Variants in KAT6B observed in about 807,000 individuals in gnomAD.
KAT6B encodes the protein histone acetyltransferase KAT6B.
Under a neutral mutation model 187.5 loss-of-function variants are expected in KAT6B, and 10 were observed. That is an observed-to-expected ratio of 0.05 (90% CI 0.03 to 0.09). The LOEUF is 0.09. KAT6B is among the 10% of genes least tolerant of loss of function. KAT6B has a pLI of 1.00. For synonymous variants in KAT6B, 861 were observed against 926.8 expected (o/e 0.93, Z 1.29); for missense variants, 1,952 against 2,558.9 (o/e 0.76, Z 5.12).
chr10:74,925,938 A>G (rs1848468335), intron 3 of KAT6B, among the ~76,000 whole-genome samples: 1 of 152,052 alleles, frequency 6.6e-6, no homozygotes, highest in African/African-American at 2.4e-5. Flanking sequence ...CGTACAGCCC[A>G]TGGCAGGGTG....
chr10:74,878,277 G>A (rs559608150), intron 3 of KAT6B, among the ~76,000 whole-genome samples: 21 of 152,276 alleles, frequency 1.4e-4, no homozygotes, highest in African/African-American at 4.8e-4. Flanking sequence ...CATTTACAGA[G>A]TACTTTTTGT....
At chr10:74,871,596 C>T (rs1396425701) in intron 3 of KAT6B, among the ~76,000 whole-genome samples, 1 of 152,110 alleles carries the variant, frequency 6.6e-6, no homozygotes, top group Admixed American at 6.5e-5. Flanking sequence ...CTTAGGGAGG[C>T]TAAGACAGGA....
chr10:74,999,229 T>G (rs746080760), intron 13 of KAT6B, among the ~76,000 whole-genome samples: 4 of 152,132 alleles, frequency 2.6e-5, no homozygotes, highest in Non-Finnish European at 5.9e-5. Context: ...GCTCAGAAAA[T>G]ACTGGTATTT....
chr10:74,838,116 T>C (rs1397022291), intron 1 of KAT6B, among the ~76,000 whole-genome samples: 1 of 152,230 alleles, frequency 6.6e-6, no homozygotes, highest in African/African-American at 2.4e-5. Context: ...TAATCACTGC[T>C]GTCCTAAAAT....
rs139540814 is a variant in KAT6B at position 74,855,108 on chromosome 10, C to T, written c.621+11630C>T. Among the ~76,000 whole-genome samples, 212 of 152,310 alleles carry T rather than the reference C, an allele frequency of 1.4e-3. 1 individual carries two copies. The highest frequency in any genetic ancestry group is 1.7e-3 in the Non-Finnish European group (117 of 68,040). ...GCAGGAGAGGTAATTGAGATATCAG[C>T]GACTCTTCCACAATTCAAGGGAAGG... On this transcript the variant is annotated intron_variant, in intron 3 of 17. Coordinates refer to ENST00000287239, the MANE Select transcript of KAT6B (RefSeq NM_012330.4).
At chr10:74,896,607 C>A (rs1408747229) in intron 3 of KAT6B, among the ~76,000 whole-genome samples, 3 of 152,112 alleles carry the variant, frequency 2.0e-5, no homozygotes, top group African/African-American at 7.2e-5. Context: ...GTACTTTAAA[C>A]GATTATGGGT....
In KAT6B at chr10:74,975,927, C is replaced by A. The variant is rs765833061; in HGVS notation, c.1590C>A (p.Ser530=). Residue 530 remains serine, a synonymous_variant, in exon 8 of 18, where the codon TCC becomes TCA. Coordinates refer to ENST00000287239, the MANE Select transcript of KAT6B (RefSeq NM_012330.4). ...QSSSSQCSVP[S]LSSLTTNSQL... is the part of the protein sequence containing the mutation. Reference sequence around the variant, plus strand: ...CTTCCAGCCAGTGCAGTGTGCCCTCCCTGAGCAGCCTTACCACTAACAGCC... The same window carrying A: ...CTTCCAGCCAGTGCAGTGTGCCCTCACTGAGCAGCCTTACCACTAACAGCC... The A allele has an allele frequency of 6.2e-7, 1 of 1,614,176 alleles. No individual in the cohort carries two copies. Among genetic ancestry groups the A allele is most frequent in the Non-Finnish European group, 8.5e-7 (1 of 1,180,040 alleles).
At chr10:74,965,416 A>G (rs978572881) in intron 4 of KAT6B, among the ~76,000 whole-genome samples, 1 of 152,128 alleles carries the variant, frequency 6.6e-6, no homozygotes, top group East Asian at 1.9e-4. Flanking sequence ...CTGCTGGGCT[A>G]TGTGATCTGG....
chr10:74,901,248 T>G (rs190236721), intron 3 of KAT6B, among the ~76,000 whole-genome samples: 1 of 152,222 alleles, frequency 6.6e-6, no homozygotes, highest in African/African-American at 2.4e-5. Context: ...AGCAACTGGC[T>G]TAACTTCACG....
chr10:74,831,437 G>C (rs1310911995), intron 1 of KAT6B, among the ~76,000 whole-genome samples: 1 of 152,110 alleles, frequency 6.6e-6, no homozygotes, highest in African/African-American at 2.4e-5. Context: ...TCTTTTTAAA[G>C]CTTTGTTGAC....
At position 75,031,243 on chromosome 10, in the gene KAT6B, C is replaced by CT. The variant is rs1390709974; in HGVS notation, c.*205dup. On this transcript the variant is annotated 3_prime_UTR_variant, in exon 18 of 18. Coordinates refer to ENST00000287239, the MANE Select transcript of KAT6B (RefSeq NM_012330.4). ...AGTTGTTTTTCTTTTTTTCCTTTTT[C>CT]TTTTTTTTGGTACCTTCATTTCTGT... 43 of 620,768 alleles carry CT rather than the reference C, an allele frequency of 6.9e-5. No homozygotes were observed. Among genetic ancestry groups the CT allele is most frequent in the Non-Finnish European group, 9.8e-5 (36 of 367,706 alleles). The allele number at this position is 620,768 out of a possible 1,614,324, so 38.5% of individuals were successfully genotyped here. A position where few individuals can be genotyped will look rare whatever the true frequency, so the allele number is the denominator to read the frequency against.
intron 3 of KAT6B, among the ~76,000 whole-genome samples, chr10:74,911,763 T>C (rs528229482): frequency 6.6e-6 from 1 of 152,312 alleles, no homozygotes; most frequent in East Asian, 1.9e-4. Context: ...AGAATGTTAG[T>C]GTATTGTGTT....
At chr10:74,836,129 T>A (rs1841290493) in intron 1 of KAT6B, among the ~76,000 whole-genome samples, 1 of 152,218 alleles carries the variant, frequency 6.6e-6, no homozygotes, top group Non-Finnish European at 1.5e-5. Context: ...CCATCTACAT[T>A]GTAGTAGCAT....
intron 3 of KAT6B, among the ~76,000 whole-genome samples, chr10:74,957,436 G>A (rs1053078820): frequency 6.6e-6 from 1 of 152,154 alleles, no homozygotes; most frequent in Admixed American, 6.5e-5. Context: ...GACAGAGCGC[G>A]GGACATCAGT....
intron 13 of KAT6B, among the ~76,000 whole-genome samples, chr10:75,002,025 G>A (rs72803445): frequency 0.019 from 2,895 of 152,300 alleles, 130 homozygotes; most frequent in Admixed American, 0.12. Context: ...TCTGCACCGT[G>A]TGGTCAGCTT....
chr10:74,999,320 A>C (rs1843666680), intron 13 of KAT6B, among the ~76,000 whole-genome samples: 1 of 152,210 alleles, frequency 6.6e-6, no homozygotes. Context: ...GTCTACGTGC[A>C]CTTTGCACAG....
At chr10:74,952,081 A>G (rs1840354489) in intron 3 of KAT6B, among the ~76,000 whole-genome samples, 1 of 152,210 alleles carries the variant, frequency 6.6e-6, no homozygotes, top group Non-Finnish European at 1.5e-5. Flanking sequence ...GGAGCCGAGC[A>G]CAGTGGCTCA....
At chr10:74,972,793 T>G (rs1388974312) in intron 7 of KAT6B, among the ~76,000 whole-genome samples, 154 bp downstream of exon 7, 1 of 152,128 alleles carries the variant, frequency 6.6e-6, no homozygotes, top group Non-Finnish European at 1.5e-5. Flanking sequence ...GCTGTGGAAA[T>G]TTTTTGAAAA....
Position 75,028,579 on chromosome 10 carries a change from C to T in KAT6B, c.3755C>T (p.Thr1252Ile), listed in dbSNP as rs1212659193. The change falls in exon 18 of 18, where the codon ACA (threonine) becomes ATA (isoleucine). Residue 1252 changes from threonine (T) to isoleucine (I), a missense_variant. By Grantham distance (89) the Thr-to-Ile change is moderately conservative. Coordinates refer to ENST00000287239, the MANE Select transcript of KAT6B (RefSeq NM_012330.4). ...LKCKQVWPKG[T>I]KRGLSKWRQN... The stretch of plus-strand genomic sequence containing the variant: ...TGCAAACAAGTGTGGCCAAAAGGAA[C>T]AAAGCGCGGTCTATCTAAGTGGAGG... 1.9e-6 allele frequency: 3 copies of T among 1,614,130 alleles called. No individual in the cohort carries two copies. Among genetic ancestry groups the T allele is most frequent in the East Asian group, 2.2e-5 (1 of 44,890 alleles).
Sources: allele counts gnomAD v4.1 joint callset (sites outside exome capture counted in the v4.1 genomes callset), GRCh38; gene constraint gnomAD v4.1.1; transcripts MANE v1.5; gene names NCBI Gene and HGNC (gene_info 2026-07-23, HGNC 2026-07-21).